Variants in DDX19A observed in about 807,000 individuals in gnomAD.
DDX19A encodes the protein DEAD-box helicase 19A.
A neutral mutation model predicts 60.6 loss-of-function variants in DDX19A; 12 were observed. The ratio of observed to expected loss-of-function variants is 0.20; its 90% confidence interval spans 0.13 to 0.32. The LOEUF (loss-of-function observed/expected upper bound fraction) is 0.32. Ranked by LOEUF, DDX19A falls within the 10% of genes least tolerant of loss-of-function variation. The probability of loss-of-function intolerance (pLI) is 1.00; values close to 1 mark genes in which losing one functional copy is unlikely to be tolerated. For missense variants in DDX19A, 337 were observed against 600.6 expected (o/e 0.56, Z 4.59); for synonymous variants, 206 against 218.2 (o/e 0.94, Z 0.49).
chr16:70,363,169 T>G (rs929107680), intron 5 of DDX19A: 2 of 151,804 alleles, frequency 1.3e-5, no homozygotes, highest in African/African-American at 2.4e-5. Context: ...CATTTTTTCT[T>G]TTTTGAGATG....
chr16:70,372,229 C>A lies in DDX19A; in HGVS notation c.*243C>A. ...TCCCCACTTTTTTAAAGCCACATTCCCCCATCTTTATAATAATCTGGTCAC... is the reference window on the plus strand; with the variant it reads ...TCCCCACTTTTTTAAAGCCACATTCACCCATCTTTATAATAATCTGGTCAC... On this transcript the variant is annotated 3_prime_UTR_variant, in exon 12 of 12. Transcript: ENST00000302243. 1.6e-6 allele frequency: 1 copy of A among 606,528 alleles called. No homozygotes were observed. The highest frequency in any genetic ancestry group is 3.0e-5 in the Admixed American group (1 of 33,330). The allele number at this position is 606,528 out of a possible 1,614,324, so 37.6% of individuals were successfully genotyped here.
chr16:70,352,713 C>T (rs553080015), intron 2 of DDX19A, among the ~76,000 whole-genome samples: 7 of 149,812 alleles, frequency 4.7e-5, no homozygotes, highest in South Asian at 2.1e-4. Flanking sequence ...CTCGGCTCAC[C>T]GCAACCTCCA....
At chr16:70,358,046 C>CT (rs1218387150) in intron 4 of DDX19A, among the ~76,000 whole-genome samples, 8 of 151,802 alleles carry the variant, frequency 5.3e-5, no homozygotes, top group Admixed American at 5.3e-4. Flanking sequence ...TATTTATTTA[C>CT]TTTTGAGACT....
intron 1 of DDX19A, 48 bp from the exon 2 acceptor site, chr16:70,350,508 CT>C (rs1417865033): frequency 1.4e-6 from 2 of 1,469,282 alleles, no homozygotes; most frequent in Admixed American, 2.0e-5. Flanking sequence ...AGGGACCTTC[CT>C]TTTATTGGGT....
rs149332833 is a variant in DDX19A at position 70,366,206 on chromosome 16, G to A, written c.726G>A (p.Glu242=). ...AAATCAAGGTGTTTGTTCTGGATGA[G>A]GCTGATGTCATGATAGCCACTCAGG... is the stretch of plus-strand genomic sequence containing the variant. ...PKKIKVFVLD[E]ADVMIATQGH... is the part of the protein sequence containing the mutation. Residue 242 remains glutamate, a synonymous_variant, in exon 8 of 12, where the codon GAG becomes GAA. Transcript: ENST00000302243. The A allele has an allele frequency of 8.8e-5, 142 of 1,614,102 alleles. No homozygotes were observed. The African/African-American group carries it at 1.7e-3, about 20-fold the overall frequency.
At chr16:70,355,826 G>C in intron 3 of DDX19A, 1 of 577,680 alleles carries the variant, frequency 1.7e-6, no homozygotes, top group Non-Finnish European at 3.1e-6. Flanking sequence ...GCTGGGTGTG[G>C]TAGCACACAC....
intron 7 of DDX19A, 196 bp from the exon 8 acceptor site, chr16:70,365,889 G>T: frequency 1.4e-6 from 1 of 725,910 alleles, no homozygotes. Flanking sequence ...ATTTGATCCT[G>T]ACCACAGTGC....
At chr16:70,357,972 C>T (rs559977428) in intron 4 of DDX19A, among the ~76,000 whole-genome samples, 2 of 152,160 alleles carry the variant, frequency 1.3e-5, no homozygotes, top group South Asian at 4.2e-4. Flanking sequence ...AACAAGAAAG[C>T]TAACTAGTTG....
chr16:70,366,464 C>A, intron 8 of DDX19A, 160 bp from the exon 9 acceptor site: 1 of 1,250,550 alleles, frequency 8.0e-7, no homozygotes, highest in South Asian at 1.5e-5. Context: ...GGGACTCTTC[C>A]CCAACCCTTG....
chr16:70,355,471 G>A lies in DDX19A; in HGVS notation c.107-14G>A, dbSNP rs1555552242. The A allele has an allele frequency of 6.2e-7, 1 of 1,606,874 alleles. No individual in the cohort carries two copies. The highest frequency in any genetic ancestry group is 8.5e-7 in the Non-Finnish European group (1 of 1,173,610). On this transcript the variant is annotated splice_polypyrimidine_tract_variant and intron_variant, in intron 2 of 11. Coordinates refer to ENST00000302243, the MANE Select transcript of DDX19A (RefSeq NM_018332.5). ...ATTTGCCTTTCTAATTATGACAATT[G>A]TTTTCTTGTGTAGGTATTATCAAAA...
intron 4 of DDX19A, among the ~76,000 whole-genome samples, chr16:70,358,222 C>T (rs113439094): frequency 2.6e-5 from 4 of 151,766 alleles, no homozygotes; most frequent in South Asian, 2.1e-4. Flanking sequence ...GTAGAGACAG[C>T]GTTTCATCAT....
intron 1 of DDX19A, among the ~76,000 whole-genome samples, chr16:70,349,462 T>C (rs1361411647): frequency 6.6e-6 from 1 of 152,216 alleles, no homozygotes; most frequent in Non-Finnish European, 1.5e-5. Context: ...CTAGGAATGA[T>C]GGGAACCTTC....
At chr16:70,361,976 G>A (rs1964374257) in intron 5 of DDX19A, among the ~76,000 whole-genome samples, 1 of 151,504 alleles carries the variant, frequency 6.6e-6, no homozygotes, top group South Asian at 2.1e-4. Context: ...TTCGAGACCA[G>A]CCTGGGCAAC....
chr16:70,363,053 T>C (rs1964416087), intron 5 of DDX19A, among the ~76,000 whole-genome samples: 1 of 150,560 alleles, frequency 6.6e-6, no homozygotes, highest in Non-Finnish European at 1.5e-5. Context: ...GGTATCACTA[T>C]GTTGCCAGGG....
chr16:70,352,459 A>G (rs751041330), intron 2 of DDX19A, among the ~76,000 whole-genome samples: 16 of 150,656 alleles, frequency 1.1e-4, no homozygotes, highest in South Asian at 8.4e-4. Flanking sequence ...TAATTTTTGT[A>G]TTTTTAGTGG....
intron 7 of DDX19A, chr16:70,365,539 C>T: frequency 5.3e-6 from 1 of 188,866 alleles, no homozygotes; most frequent in South Asian, 9.3e-5. Flanking sequence ...GCAATCCCAG[C>T]CCTTTGGGAG....
At chr16:70,364,936 AATAACATCAGC>A (rs1454032932) in intron 6 of DDX19A, 70 bp from the exon 7 acceptor site, 20 of 1,047,720 alleles carry the variant, frequency 1.9e-5, no homozygotes, top group Non-Finnish European at 2.8e-5. Context: ...TTCAAGTGCT[AATAACATCAGC>A]ATACTGGGTG....
chr16:70,356,558 A>G (rs887829804), intron 4 of DDX19A, among the ~76,000 whole-genome samples: 48 of 151,804 alleles, frequency 3.2e-4, no homozygotes, highest in Non-Finnish European at 5.7e-4. Flanking sequence ...GGGTTTCACC[A>G]TGTTGGCCAG....
Position 70,356,152 on chromosome 16 carries a change from A to G in DDX19A, c.198A>G (p.Arg66=), listed in dbSNP as rs1295540405. Residue 66 remains arginine (R), a synonymous_variant, in exon 4 of 12, where the codon AGA becomes AGG. Coordinates refer to ENST00000302243, the MANE Select transcript of DDX19A (RefSeq NM_018332.5). ...AGTCCTTACTCAACAAGCTGATCAGAAGCAACCTTGTTGATAACACAAACC... is the reference window on the plus strand; with the variant it reads ...AGTCCTTACTCAACAAGCTGATCAGGAGCAACCTTGTTGATAACACAAACC... ...AAQSLLNKLI[R]SNLVDNTNQV... The G allele has an allele frequency of 1.2e-6, 2 of 1,613,896 alleles. No homozygotes were observed. The highest frequency in any genetic ancestry group is 2.7e-5 in the African/African-American group (2 of 74,886).
Sources: allele counts gnomAD v4.1 joint callset (sites outside exome capture counted in the v4.1 genomes callset), GRCh38; gene constraint gnomAD v4.1.1; transcripts MANE v1.5; gene names NCBI Gene and HGNC (gene_info 2026-07-23, HGNC 2026-07-21).